TMEM132D: variants seen among roughly 807,000 people sequenced by gnomAD.
TMEM132D encodes the protein transmembrane protein 132D.
In TMEM132D, 21 loss-of-function variants were observed where a neutral mutation model predicts 62.3. The observed-to-expected ratio is 0.34, with a 90% CI of 0.24 to 0.49. TMEM132D has a LOEUF of 0.49. TMEM132D is among the 20% of genes least tolerant of loss of function. TMEM132D has a pLI of 0.99. For missense variants in TMEM132D, 1,346 were observed against 1,402.8 expected (o/e 0.96, Z 0.65); for synonymous variants, 621 against 575.6 (o/e 1.08, Z -1.13).
intron 3 of TMEM132D, among the ~76,000 whole-genome samples, chr12:129,429,330 C>A (rs1006720113): frequency 3.3e-5 from 5 of 152,110 alleles, no homozygotes; most frequent in Admixed American, 6.6e-5. Context: ...GTAGTGTAAG[C>A]AGAAAGGGAT....
intron 3 of TMEM132D, among the ~76,000 whole-genome samples, chr12:129,508,792 C>T (rs1216657733): frequency 2.0e-5 from 3 of 151,944 alleles, no homozygotes; most frequent in Non-Finnish European, 4.4e-5. Flanking sequence ...GTGGTGAATG[C>T]TGGGTCTAAG....
chr12:129,132,913 C>T (rs1238001852), intron 5 of TMEM132D, among the ~76,000 whole-genome samples: 3 of 152,114 alleles, frequency 2.0e-5, no homozygotes, highest in Non-Finnish European at 4.4e-5. Context: ...GTAGCTGACT[C>T]CACTTCACTC....
At chr12:129,552,631 A>C (rs1215447718) in intron 2 of TMEM132D, among the ~76,000 whole-genome samples, 1 of 152,020 alleles carries the variant, frequency 6.6e-6, no homozygotes, top group African/African-American at 2.4e-5. Flanking sequence ...TTTATCTGTC[A>C]TCTACCTATC....
At chr12:129,337,096 C>T (rs1869307021) in intron 4 of TMEM132D, among the ~76,000 whole-genome samples, 1 of 152,204 alleles carries the variant, frequency 6.6e-6, no homozygotes, top group Admixed American at 6.5e-5. Context: ...TGTCACCGGG[C>T]AGCTGTCCAG....
rs534135462 is a variant in TMEM132D, at chr12:129,457,569, T to C, written c.1115+73490A>G. On this transcript the variant is annotated intron_variant, in intron 3 of 8. Coordinates refer to ENST00000422113, the MANE Select transcript of TMEM132D (RefSeq NM_133448.3). ...AACAAACCTGCATGTTGTGCACATGTACCCTAAAACTTAAAGTATAATAAT... is the reference window on the plus strand; with the variant it reads ...AACAAACCTGCATGTTGTGCACATGCACCCTAAAACTTAAAGTATAATAAT... Among the ~76,000 whole-genome samples, 191 of 151,958 alleles carry C rather than the reference T, an allele frequency of 1.3e-3. 1 individual carries two copies. Among genetic ancestry groups the C allele is most frequent in the African/African-American group, 4.0e-3 (166 of 41,448 alleles).
intron 2 of TMEM132D, among the ~76,000 whole-genome samples, chr12:129,549,898 G>C (rs1419211312): frequency 6.6e-6 from 1 of 152,194 alleles, no homozygotes; most frequent in Non-Finnish European, 1.5e-5. Flanking sequence ...CGGCAAGTCT[G>C]TAATGTGTGA....
chr12:129,215,845 C>T (rs1331633870), intron 4 of TMEM132D, among the ~76,000 whole-genome samples: 2 of 152,070 alleles, frequency 1.3e-5, no homozygotes, highest in Admixed American at 6.6e-5. Flanking sequence ...TCTTACATGG[C>T]GTGGGGCAAA....
chr12:129,239,681 T>C (rs952107169), intron 4 of TMEM132D, among the ~76,000 whole-genome samples: 1 of 152,150 alleles, frequency 6.6e-6, no homozygotes, highest in African/African-American at 2.4e-5. Flanking sequence ...GTCATGGATC[T>C]AGGCACCAAG....
At chr12:129,603,318 A>C (rs1586190) in intron 2 of TMEM132D, among the ~76,000 whole-genome samples, 40,575 of 152,054 alleles carry the variant, frequency 0.27, 6,651 homozygotes, top group Non-Finnish European at 0.36. Context: ...CCCCAACCCA[A>C]TTCCTGGAAA....
chr12:129,471,709 C>G (rs1874097732), intron 3 of TMEM132D, among the ~76,000 whole-genome samples: 1 of 152,180 alleles, frequency 6.6e-6, no homozygotes. Context: ...TGTCAAATAG[C>G]TAACCAAGCT....
intron 4 of TMEM132D, among the ~76,000 whole-genome samples, chr12:129,275,012 G>A (rs1476431113): frequency 6.6e-6 from 1 of 152,194 alleles, no homozygotes; most frequent in East Asian, 1.9e-4. Context: ...AGATACAGTG[G>A]CTCAGGCCTG....
intron 3 of TMEM132D, among the ~76,000 whole-genome samples, chr12:129,370,302 A>C (rs112685682): frequency 0.011 from 1,696 of 152,290 alleles, 13 homozygotes; most frequent in Non-Finnish European, 0.014. Flanking sequence ...CATGACAGTT[A>C]ATGATTTTTA....
chr12:129,233,077 T>A (rs536875947), intron 4 of TMEM132D, among the ~76,000 whole-genome samples: 1 of 152,356 alleles, frequency 6.6e-6, no homozygotes, highest in South Asian at 2.1e-4. Context: ...CTTTTTCATT[T>A]CTGTAGCACC....
intron 4 of TMEM132D, among the ~76,000 whole-genome samples, chr12:129,246,775 A>AG (rs1157209508): frequency 4.0e-5 from 6 of 151,588 alleles, no homozygotes; most frequent in Non-Finnish European, 8.8e-5. Context: ...CAAAAAAAAA[A>AG]AAAAGATAGA....
At position 129,867,574 on chromosome 12, in the gene TMEM132D, T is replaced by C. The variant is rs1275144934; in HGVS notation, c.79+35687A>G. Among the ~76,000 whole-genome samples, 3 of 152,216 alleles carry C rather than the reference T, an allele frequency of 2.0e-5. No homozygotes were observed. Among genetic ancestry groups the C allele is most frequent in the Non-Finnish European group, 4.4e-5 (3 of 68,038 alleles). Reference sequence around the variant, plus strand: ...AATTCTGTATAGTGTCCTTGAAATGTACTGAGAGGATAAATCTTCAGTGTT... The same window carrying C: ...AATTCTGTATAGTGTCCTTGAAATGCACTGAGAGGATAAATCTTCAGTGTT... On this transcript the variant is annotated intron_variant, in intron 1 of 8. Transcript: ENST00000422113. This position sits in a 1 kb window ranked among gnomAD's most constrained non-coding sequence, Gnocchi z 4.5.
chr12:129,079,271 A>G (rs956021121), intron 7 of TMEM132D, among the ~76,000 whole-genome samples: 1 of 152,142 alleles, frequency 6.6e-6, no homozygotes, highest in Non-Finnish European at 1.5e-5. Flanking sequence ...TGGAGGCCAC[A>G]CTGTACACTT....
intron 2 of TMEM132D, among the ~76,000 whole-genome samples, chr12:129,667,364 T>A (rs1361416970): frequency 6.6e-6 from 1 of 152,174 alleles, no homozygotes; most frequent in Non-Finnish European, 1.5e-5. Flanking sequence ...AAGGGTTTTG[T>A]TTTCTCCTTT....
At chr12:129,305,984 T>C (rs549347746) in intron 4 of TMEM132D, among the ~76,000 whole-genome samples, 64 of 152,306 alleles carry the variant, frequency 4.2e-4, no homozygotes, top group Non-Finnish European at 1.5e-5. Context: ...TAAGGTCTTC[T>C]GTAAATGCCA....
At chr12:129,390,784 T>C (rs933231321) in intron 3 of TMEM132D, among the ~76,000 whole-genome samples, 4 of 152,210 alleles carry the variant, frequency 2.6e-5, no homozygotes, top group South Asian at 2.1e-4. Flanking sequence ...CCCAGGGTGC[T>C]GTATGGAGAG....
Sources: gnomAD v4.1 joint callset for allele counts (sites outside exome capture counted in the v4.1 genomes callset) on GRCh38, gnomAD v4.1.1 for gene constraint, Gnocchi (gnomAD v3.1) non-coding constraint, MANE v1.5 for transcripts, NCBI Gene and HGNC (gene_info 2026-07-23, HGNC 2026-07-21) for gene names.